The following UNC13C variants were observed in gnomAD, a reference collection of about 807,000 sequenced individuals.
The protein encoded by UNC13C is unc-13 homolog C, also known as protein unc-13 homolog C.
In UNC13C, 174 loss-of-function variants were observed where a neutral mutation model predicts 245.4. The observed-to-expected ratio is 0.71, with a 90% CI of 0.63 to 0.80. UNC13C has a LOEUF of 0.80. Ranked by LOEUF, UNC13C falls within the 30% of genes least tolerant of loss-of-function variation. UNC13C has a pLI of 0.00. For missense variants in UNC13C, 2,829 were observed against 2,602.9 expected (o/e 1.09, Z -1.89); for synonymous variants, 992 against 895.1 (o/e 1.11, Z -1.93).
At position 54,375,810 on chromosome 15, in the gene UNC13C, C is replaced by G. The variant is rs376473639; in HGVS notation, c.4714-17238C>G. On this transcript the variant is annotated intron_variant, in intron 17 of 32. Transcript: ENST00000260323. Reference sequence around the variant, plus strand: ...CCAGCCAATGGCTAGATTGCAGCCCCCTGAAACATAGAGCAGAAGACCCAG... The same window carrying G: ...CCAGCCAATGGCTAGATTGCAGCCCGCTGAAACATAGAGCAGAAGACCCAG... Among the ~76,000 whole-genome samples, 324 of 152,276 alleles carry G rather than the reference C, an allele frequency of 2.1e-3. 1 individual carries two copies. Among genetic ancestry groups the G allele is most frequent in the African/African-American group, 6.8e-3 (282 of 41,546 alleles).
chr15:53,992,481 G>A (rs1250106681), intron 1 of UNC13C, among the ~76,000 whole-genome samples: 1 of 152,044 alleles, frequency 6.6e-6, no homozygotes, highest in African/African-American at 2.4e-5. Context: ...TTCAAGCAAG[G>A]ATGAAGTGCT....
At chr15:53,888,218 G>A in the UNC13C span, among the ~76,000 whole-genome samples, 3 of 152,066 alleles carry the variant, frequency 2.0e-5, no homozygotes, top group Admixed American at 2.0e-4. Context: ...AGCATCTGTT[G>A]TTTCCTGACT....
intron 13 of UNC13C, among the ~76,000 whole-genome samples, chr15:54,320,513 A>G (rs2038124412): frequency 6.6e-6 from 1 of 152,014 alleles, no homozygotes; most frequent in African/African-American, 2.4e-5. Context: ...CAAAACAGAA[A>G]CTAAAATAAC....
the UNC13C span, among the ~76,000 whole-genome samples, chr15:53,915,892 C>T: frequency 6.6e-6 from 1 of 152,080 alleles, no homozygotes; most frequent in Non-Finnish European, 1.5e-5. Context: ...CATATAGATG[C>T]ATGGAAAAGT....
chr15:54,312,931 C>G (rs1214816616), intron 13 of UNC13C, among the ~76,000 whole-genome samples: 1 of 151,804 alleles, frequency 6.6e-6, no homozygotes, highest in Non-Finnish European at 1.5e-5. Flanking sequence ...CTTCCAGAAA[C>G]TGGGAAATCT....
At chr15:53,995,079 T>G (rs1293503869) in intron 1 of UNC13C, among the ~76,000 whole-genome samples, 1 of 152,114 alleles carries the variant, frequency 6.6e-6, no homozygotes, top group Admixed American at 6.6e-5. Flanking sequence ...TATGAGAAAC[T>G]GAGGTGACAT....
chr15:54,484,884 G>T (rs1429652350), intron 19 of UNC13C, among the ~76,000 whole-genome samples: 1 of 152,114 alleles, frequency 6.6e-6, no homozygotes, highest in Non-Finnish European at 1.5e-5. Context: ...AATCCACAAA[G>T]ATTTGAGTGT....
chr15:54,331,935 T>C (rs1307823882), intron 14 of UNC13C, 108 bp from the exon 15 acceptor site: 1 of 655,042 alleles, frequency 1.5e-6, no homozygotes, highest in South Asian at 2.9e-5. Flanking sequence ...GTCATTGATA[T>C]ATTTGATCCT....
chr15:54,522,714 T>C (rs1028358594), intron 24 of UNC13C, among the ~76,000 whole-genome samples: 4 of 152,228 alleles, frequency 2.6e-5, no homozygotes. Context: ...AAATCTGTCT[T>C]GAAAACTTTA....
chr15:54,203,777 CACACAT>C, intron 4 of UNC13C, among the ~76,000 whole-genome samples: 3 of 106,410 alleles, frequency 2.8e-5, no homozygotes, highest in East Asian at 6.2e-4. Context: ...TATATATACA[CACACAT>C]ATAGATATAC....
At chr15:54,313,227 G>C (rs2037920747) in intron 13 of UNC13C, among the ~76,000 whole-genome samples, 1 of 151,820 alleles carries the variant, frequency 6.6e-6, no homozygotes, top group African/African-American at 2.4e-5. Flanking sequence ...TGTTATTACA[G>C]TGTTAACTGC....
At chr15:53,901,333 C>T in the UNC13C span, among the ~76,000 whole-genome samples, 1 of 151,132 alleles carries the variant, frequency 6.6e-6, no homozygotes, top group South Asian at 2.1e-4. Flanking sequence ...CATTCTCCTG[C>T]TTCAGCCTCC....
the UNC13C span, among the ~76,000 whole-genome samples, chr15:53,915,076 C>T: frequency 1.3e-5 from 2 of 152,242 alleles, no homozygotes; most frequent in Non-Finnish European, 2.9e-5. Context: ...TGACTCAGCC[C>T]TTTCCTCACA....
chr15:54,052,399 T>A (rs1464904671), intron 2 of UNC13C, among the ~76,000 whole-genome samples: 1 of 150,170 alleles, frequency 6.7e-6, no homozygotes, highest in Admixed American at 6.7e-5. Context: ...GTGTTCCTAT[T>A]TCTCCACATC....
the UNC13C span, among the ~76,000 whole-genome samples, chr15:53,842,730 T>A: frequency 6.6e-6 from 1 of 152,058 alleles, no homozygotes; most frequent in South Asian, 2.1e-4. Flanking sequence ...AATTGTATAG[T>A]TTGACAACTT....
chr15:53,876,568 A>G, the UNC13C span, among the ~76,000 whole-genome samples: 4 of 152,184 alleles, frequency 2.6e-5, no homozygotes, highest in African/African-American at 9.7e-5. Context: ...CACAGCTGCC[A>G]TCTTGGAAAT....
At chr15:54,438,404 C>A (rs1396371576) in intron 19 of UNC13C, among the ~76,000 whole-genome samples, 2 of 151,914 alleles carry the variant, frequency 1.3e-5, no homozygotes, top group African/African-American at 4.8e-5. Flanking sequence ...ACATTGAATT[C>A]TTTTGTCTAA....
At chr15:54,111,451 C>G (rs1180949737) in intron 2 of UNC13C, among the ~76,000 whole-genome samples, 1 of 152,122 alleles carries the variant, frequency 6.6e-6, no homozygotes, top group East Asian at 1.9e-4. Flanking sequence ...CAAATAACAT[C>G]ATAACTGTTC....
chr15:54,527,870 T>C (rs944749118), intron 25 of UNC13C, among the ~76,000 whole-genome samples: 1 of 152,214 alleles, frequency 6.6e-6, no homozygotes, highest in Non-Finnish European at 1.5e-5. Context: ...GCTATGTTGC[T>C]GTGGCTTTAT....
Sources: gnomAD v4.1 joint callset for allele counts (sites outside exome capture counted in the v4.1 genomes callset) on GRCh38, gnomAD v4.1.1 for gene constraint, MANE v1.5 for transcripts, NCBI Gene and HGNC (gene_info 2026-07-23, HGNC 2026-07-21) for gene names.